The following GRIK3 variants were observed in gnomAD, a reference collection of about 807,000 sequenced individuals.
GRIK3 encodes glutamate ionotropic receptor kainate type subunit 3, also known as glutamate receptor ionotropic, kainate 3.
GRIK3 carries 29 observed loss-of-function variants against 102.5 expected under a neutral mutation model. The observed-to-expected ratio is 0.28, with a 90% CI of 0.21 to 0.39. The LOEUF (loss-of-function observed/expected upper bound fraction) is 0.39. GRIK3 is among the 10% of genes least tolerant of loss of function. GRIK3 has a pLI of 1.00. For missense variants in GRIK3, 908 were observed against 1,252.4 expected (o/e 0.73, Z 4.15); for synonymous variants, 511 against 504.9 (o/e 1.01, Z -0.16).
At chr1:36,951,506 C>A (rs934285551) in intron 1 of GRIK3, among the ~76,000 whole-genome samples, 3 of 152,232 alleles carry the variant, frequency 2.0e-5, no homozygotes, top group African/African-American at 7.2e-5. Context: ...CCAAGGCCCC[C>A]TCTCCTCGGC....
intron 7 of GRIK3, among the ~76,000 whole-genome samples, chr1:36,855,859 T>C (rs781534876): frequency 1.3e-5 from 2 of 152,258 alleles, no homozygotes; most frequent in Non-Finnish European, 2.9e-5. Flanking sequence ...GTCCTCACTG[T>C]GACCCTGCCA....
At chr1:36,834,669 G>C (rs1640350432) in intron 10 of GRIK3, among the ~76,000 whole-genome samples, 1 of 152,188 alleles carries the variant, frequency 6.6e-6, no homozygotes, top group Non-Finnish European at 1.5e-5. Context: ...GGAAGGCTCA[G>C]TGGAATTTCC....
intron 8 of GRIK3, 152 bp downstream of exon 8, chr1:36,853,463 G>C: frequency 3.3e-6 from 2 of 600,568 alleles, no homozygotes; most frequent in South Asian, 4.1e-5. Flanking sequence ...GGGCCCCCAA[G>C]AGCTACAGGC....
intron 1 of GRIK3, among the ~76,000 whole-genome samples, chr1:36,916,251 C>A (rs1402307869): frequency 6.6e-6 from 1 of 152,060 alleles, no homozygotes; most frequent in Non-Finnish European, 1.5e-5. Flanking sequence ...TTCTAAGCTG[C>A]AAAGCATTCA....
At position 36,948,143 on chromosome 1, in the gene GRIK3, A is replaced by ATATTT. The variant is rs551211838; in HGVS notation, c.116-57048_116-57047insAAATA. On this transcript the variant is annotated intron_variant, in intron 1 of 15. Transcript: ENST00000373091. The stretch of plus-strand genomic sequence containing the variant: ...TCCCCCATGCAACACCTGGTATCAA[A>ATATTT]CTGGGGCAGTACTAGGTACTCAGTA... Among the ~76,000 whole-genome samples, 175 of 152,342 alleles carry ATATTT rather than the reference A, an allele frequency of 1.1e-3. 2 individuals are homozygous for ATATTT. The South Asian group carries it at 0.03, about 26-fold the overall frequency.
At chr1:36,940,093 G>A (rs981521860) in intron 1 of GRIK3, among the ~76,000 whole-genome samples, 1 of 152,184 alleles carries the variant, frequency 6.6e-6, no homozygotes, top group Non-Finnish European at 1.5e-5. Flanking sequence ...CAATAAGCAA[G>A]GAAAATAAAG....
intron 2 of GRIK3, among the ~76,000 whole-genome samples, chr1:36,888,103 A>C (rs1430165023): frequency 6.6e-6 from 1 of 152,220 alleles, no homozygotes; most frequent in African/African-American, 2.4e-5. Flanking sequence ...GAACGTCCAC[A>C]GCAGGAATGC....
chr1:36,856,337 G>GGCAGGCCAGGGAGT (rs1553177714), intron 7 of GRIK3, among the ~76,000 whole-genome samples: 1 of 152,196 alleles, frequency 6.6e-6, no homozygotes, highest in Non-Finnish European at 1.5e-5. Context: ...GGGTGGACAG[G>GGCAGGCCAGGGAGT]GCAGGCCAGG....
At chr1:36,976,052 C>T (rs1171282782) in intron 1 of GRIK3, among the ~76,000 whole-genome samples, 1 of 152,164 alleles carries the variant, frequency 6.6e-6, no homozygotes, top group Non-Finnish European at 1.5e-5. Flanking sequence ...AGGAGCAACC[C>T]AAAGTAGGAA....
chr1:36,977,775 C>A (rs1570840370), intron 1 of GRIK3, among the ~76,000 whole-genome samples: 1 of 152,196 alleles, frequency 6.6e-6, no homozygotes, highest in East Asian at 1.9e-4. Context: ...CAGCCAAGAC[C>A]CACCCACCCA....
chr1:36,998,650 T>TGGG, intron 1 of GRIK3, among the ~76,000 whole-genome samples: 1 of 152,336 alleles, frequency 6.6e-6, no homozygotes, highest in African/African-American at 2.4e-5. Flanking sequence ...GTTTGTGCCA[T>TGGG]GGGGTTATCA....
rs1322498503 is a variant in GRIK3 at position 36,850,553 on chromosome 1, C to A, written c.1213-129G>T. The A allele has an allele frequency of 4.5e-6, 3 of 659,744 alleles. No individual in the cohort carries two copies. The highest frequency in any genetic ancestry group is 8.3e-6 in the Non-Finnish European group (3 of 361,266). The allele number at this position is 659,744 out of a possible 1,614,324, so 40.9% of individuals were successfully genotyped here. A position where few individuals can be genotyped will look rare whatever the true frequency, so the allele number is the denominator to read the frequency against. The stretch of plus-strand genomic sequence containing the variant: ...TTGTCATGATCATCATCATCATCAC[C>A]ACTGCCATTGTGTTTCCAGTTATAA... On this transcript the variant is annotated intron_variant, in intron 8 of 15. Coordinates refer to ENST00000373091, the MANE Select transcript of GRIK3 (RefSeq NM_000831.4). The surrounding 1 kb of genome is among the most constrained non-coding windows in gnomAD (Gnocchi z 4.0).
At chr1:36,915,036 G>A (rs961652487) in intron 1 of GRIK3, among the ~76,000 whole-genome samples, 1 of 152,184 alleles carries the variant, frequency 6.6e-6, no homozygotes, top group African/African-American at 2.4e-5. Context: ...TTCGTGCAAA[G>A]GAATTCTGAG....
intron 3 of GRIK3, among the ~76,000 whole-genome samples, chr1:36,878,462 C>G (rs1012796668): frequency 6.6e-6 from 1 of 152,198 alleles, no homozygotes; most frequent in Non-Finnish European, 1.5e-5. Flanking sequence ...CTACTATTTC[C>G]AGTCCCCATT....
chr1:36,979,627 G>A (rs1642230005), intron 1 of GRIK3, among the ~76,000 whole-genome samples: 1 of 152,206 alleles, frequency 6.6e-6, no homozygotes, highest in Non-Finnish European at 1.5e-5. Context: ...CTATGACCTG[G>A]CTCATAAAGA....
Position 36,872,249 on chromosome 1 carries a change from C to T in GRIK3, c.671G>A (p.Gly224Asp), listed in dbSNP as rs1023191275. 6.2e-7 allele frequency: 1 copy of T among 1,612,504 alleles called. No homozygotes were observed. The highest frequency in any genetic ancestry group is 8.5e-7 in the Non-Finnish European group (1 of 1,179,314). The change falls in exon 4 of 16, where the codon GGC becomes GAC. Residue 224 changes from glycine (G) to aspartate (D), a missense_variant. This residue lies in a region of GRIK3 where 585 missense variants were observed against 824.9 expected (regional missense o/e 0.71). Transcript: ENST00000373091. The surrounding 1 kb of genome is among the most constrained non-coding windows in gnomAD (Gnocchi z 5.9). ...SRPLLKEMKR[G>D]REFRIIFDCS... is the part of the protein sequence containing the mutation. Reference sequence around the variant, plus strand: ...GTCGAAGATAATGCGGAATTCCCGGCCTCGCTTCATCTCCTTGAGCAAGGG... The same window carrying T: ...GTCGAAGATAATGCGGAATTCCCGGTCTCGCTTCATCTCCTTGAGCAAGGG...
At chr1:36,822,491 G>A (rs1327456761) in intron 11 of GRIK3, among the ~76,000 whole-genome samples, 2 of 152,218 alleles carry the variant, frequency 1.3e-5, no homozygotes, top group African/African-American at 4.8e-5. Flanking sequence ...GAGTGGGATG[G>A]TCGCAGGACG....
At chr1:36,823,513 G>A (rs1235161455) in intron 11 of GRIK3, among the ~76,000 whole-genome samples, 1 of 149,562 alleles carries the variant, frequency 6.7e-6, no homozygotes, top group Admixed American at 6.7e-5. Context: ...TAAACTAGTG[G>A]CCACACAGAA....
At chr1:36,973,374 T>C (rs1278220762) in intron 1 of GRIK3, among the ~76,000 whole-genome samples, 1 of 151,324 alleles carries the variant, frequency 6.6e-6, no homozygotes, top group Admixed American at 6.6e-5. Flanking sequence ...CCTGGCTACC[T>C]ACTCCTTCTT....
Sources: allele counts gnomAD v4.1 joint callset (sites outside exome capture counted in the v4.1 genomes callset), GRCh38; gene constraint gnomAD v4.1.1; regional missense constraint gnomAD v4.1.1; non-coding constraint Gnocchi (gnomAD v3.1); transcripts MANE v1.5; gene names NCBI Gene and HGNC (gene_info 2026-07-23, HGNC 2026-07-21).